DNTTIP1: variants seen among roughly 807,000 people sequenced by gnomAD.
DNTTIP1 encodes the protein deoxynucleotidyltransferase terminal interacting protein 1, also known as deoxynucleotidyltransferase terminal-interacting protein 1.
DNTTIP1 carries 22 observed loss-of-function variants against 52.9 expected under a neutral mutation model. The ratio of observed to expected loss-of-function variants is 0.42; its 90% CI spans 0.30 to 0.59. The LOEUF is 0.59. Ranked by LOEUF, DNTTIP1 falls within the 20% of genes least tolerant of loss-of-function variation. DNTTIP1 has a pLI of 0.22. For synonymous variants in DNTTIP1, 136 were observed against 155.1 expected (o/e 0.88, Z 0.92); for missense variants, 286 against 435.5 (o/e 0.66, Z 3.06).
chr20:45,803,969 T>A (rs750541519), intron 8 of DNTTIP1, among the ~76,000 whole-genome samples: 5 of 152,190 alleles, frequency 3.3e-5, no homozygotes, highest in Non-Finnish European at 7.4e-5. Flanking sequence ...GTGACTTATA[T>A]AAATGGTTGT....
intron 10 of DNTTIP1, among the ~76,000 whole-genome samples, chr20:45,808,893 G>A (rs1173861863): frequency 6.6e-6 from 1 of 152,204 alleles, no homozygotes; most frequent in Middle Eastern, 3.4e-3. Context: ...GAAGGGGGTG[G>A]GGATTGGGAG....
rs1405428306 is a variant in DNTTIP1 at position 45,800,690 on chromosome 20, AAAAAATATATATATAT to A, written c.373-382_373-367del. On this transcript the variant is annotated intron_variant, in intron 4 of 12. Transcript: ENST00000372622. ...ACTCCATCTCAATTTAAAAAAAAAA[AAAAAATATATATATAT>A]ATATATATATATATATATATATATA... Among the ~76,000 whole-genome samples, 16 of 52,350 alleles carry A rather than the reference AAAAAATATATATATAT, an allele frequency of 3.1e-4. 1 individual carries two copies. Among genetic ancestry groups the A allele is most frequent in the Non-Finnish European group, 3.7e-4 (11 of 30,082 alleles). 34.3% of individuals were successfully genotyped at this position (52,350 alleles called of 152,430 possible). A position where few individuals can be genotyped will look rare whatever the true frequency, so the allele number is the denominator to read the frequency against.
chr20:45,803,194 C>T (rs1568708617), intron 7 of DNTTIP1, 139 bp from the exon 8 acceptor site: 50 of 772,566 alleles, frequency 6.5e-5, no homozygotes. Flanking sequence ...TTTGTTCCTC[C>T]TCTTATGTGT....
At position 45,795,791 on chromosome 20, in the gene DNTTIP1, TC is replaced by T. The variant is rs111543251; in HGVS notation, c.372+349del. 3.1e-3 allele frequency among the ~76,000 whole-genome samples: 468 copies of T among 152,264 alleles called. 4 individuals are homozygous for T. Among genetic ancestry groups the T allele is most frequent in the African/African-American group, 0.011 (453 of 41,540 alleles). On this transcript the variant is annotated intron_variant, in intron 4 of 12. Transcript: ENST00000372622. ...TCCAGCCTGGGTGAAAGAGCAAGAT[TC>T]TGTCTCAAAAACAAACAAAAAAAGA...
chr20:45,801,198 C>G (rs1981458181), intron 5 of DNTTIP1, 56 bp downstream of exon 5: 10 of 1,555,902 alleles, frequency 6.4e-6, no homozygotes, highest in Non-Finnish European at 8.9e-6. Context: ...GGCTGGGAGG[C>G]AAGTGAAATA....
intron 4 of DNTTIP1, among the ~76,000 whole-genome samples, chr20:45,799,547 T>G (rs577965714): frequency 6.6e-6 from 1 of 152,208 alleles, no homozygotes; most frequent in Non-Finnish European, 1.5e-5. Flanking sequence ...TACAGCCTCC[T>G]TCACATCTCA....
intron 6 of DNTTIP1, 49 bp downstream of exon 6, chr20:45,801,507 G>T (rs1175491778): frequency 1.9e-6 from 3 of 1,602,616 alleles, no homozygotes; most frequent in Middle Eastern, 1.7e-4. Flanking sequence ...GGCTTGTCAG[G>T]CCGGGTGTGG....
At chr20:45,810,306 A>C (rs1981781249) in intron 11 of DNTTIP1, among the ~76,000 whole-genome samples, 1 of 152,212 alleles carries the variant, frequency 6.6e-6, no homozygotes, top group Non-Finnish European at 1.5e-5. Flanking sequence ...ATTGTGACAA[A>C]GCATTTCTAC....
At chr20:45,801,547 G>A (rs756382712) in intron 6 of DNTTIP1, 89 bp downstream of exon 6, 23 of 1,414,638 alleles carry the variant, frequency 1.6e-5, no homozygotes, top group Non-Finnish European at 2.3e-5. Context: ...CAACACTTTG[G>A]GAGGCCAAGC....
chr20:45,793,081 CTG>C (rs1981091410), intron 2 of DNTTIP1, among the ~76,000 whole-genome samples: 2 of 152,210 alleles, frequency 1.3e-5, no homozygotes, highest in South Asian at 2.1e-4. Context: ...AGTCAGACAA[CTG>C]TGTTCTCATC....
Position 45,811,384 on chromosome 20 carries a change from G to A in DNTTIP1, c.*189G>A. ...GGTTCTATATTTGTAAAGTTATTGG[G>A]ATAAGAAACAATTAAACAGTTTGTA... On this transcript the variant is annotated 3_prime_UTR_variant, in exon 13 of 13. Coordinates refer to ENST00000372622, the MANE Select transcript of DNTTIP1 (RefSeq NM_052951.3). 1.7e-6 allele frequency: 1 copy of A among 582,132 alleles called. No individual in the cohort carries two copies. Among genetic ancestry groups the A allele is most frequent in the Non-Finnish European group, 2.9e-6 (1 of 347,516 alleles). The allele number at this position is 582,132 out of a possible 1,614,324, so 36.1% of individuals were successfully genotyped here. A position where few individuals can be genotyped will look rare whatever the true frequency, so the allele number is the denominator to read the frequency against.
intron 4 of DNTTIP1, among the ~76,000 whole-genome samples, chr20:45,800,693 A>C (rs868058955): frequency 3.3e-5 from 1 of 30,530 alleles, no homozygotes; most frequent in East Asian, 5.0e-4. Flanking sequence ...AAAAAAAAAA[A>C]AATATATATA....
chr20:45,792,414 A>G, intron 1 of DNTTIP1: 1 of 468,488 alleles, frequency 2.1e-6, no homozygotes, highest in South Asian at 4.1e-5. Flanking sequence ...ACATCACCTG[A>G]CACAGAGTTG....
At chr20:45,808,773 A>G (rs751257893) in intron 10 of DNTTIP1, among the ~76,000 whole-genome samples, 5 of 152,196 alleles carry the variant, frequency 3.3e-5, no homozygotes, top group Non-Finnish European at 7.3e-5. Context: ...TATTATGGTC[A>G]CCATAATAAT....
rs1568707715 is a variant in DNTTIP1, at chr20:45,800,693, AAATATATATATATATATATAT to A, written c.373-379_373-359del. Among the ~76,000 whole-genome samples, 20 of 30,546 alleles carry A rather than the reference AAATATATATATATATATATAT, an allele frequency of 6.5e-4. 3 individuals are homozygous for A. Among genetic ancestry groups the A allele is most frequent in the Middle Eastern group, 0.017 (1 of 58 alleles). 20.0% of individuals were successfully genotyped at this position (30,546 alleles called of 152,430 possible). On this transcript the variant is annotated intron_variant, in intron 4 of 12. Coordinates refer to ENST00000372622, the MANE Select transcript of DNTTIP1 (RefSeq NM_052951.3). ...CCATCTCAATTTAAAAAAAAAAAAA[AAATATATATATATATATATAT>A]ATATATATATATATATATATATATA...
chr20:45,794,716 C>T (rs1457520455), intron 3 of DNTTIP1, among the ~76,000 whole-genome samples: 1 of 150,696 alleles, frequency 6.6e-6, no homozygotes, highest in Non-Finnish European at 1.5e-5. Flanking sequence ...CTTTGGGAGG[C>T]CGAGGCAGGA....
At chr20:45,795,159 G>A (rs2868349) in intron 3 of DNTTIP1, among the ~76,000 whole-genome samples, 186 bp from the exon 4 acceptor site, 96,564 of 152,064 alleles carry the variant, frequency 0.64, 30,971 homozygotes, top group Admixed American at 0.72. Context: ...ATCCGTAAGA[G>A]GGGGAATAAA....
At chr20:45,801,600 G>A in intron 6 of DNTTIP1, 142 bp downstream of exon 6, 3 of 804,252 alleles carry the variant, frequency 3.7e-6, no homozygotes, top group African/African-American at 1.7e-5. Flanking sequence ...ACCAGTCTGG[G>A]TAACATAGTG....
rs1280970097 is a variant in DNTTIP1, at chr20:45,803,325, C to T, written c.558-8C>T. On this transcript the variant is annotated splice_region_variant and splice_polypyrimidine_tract_variant and intron_variant, in intron 7 of 12. Transcript: ENST00000372622. ...GAGAATTCACCTTTATTCTTTCCTTCCAAGCAGATGGAAACCAAAATCCTG... is the reference window on the plus strand; with the variant it reads ...GAGAATTCACCTTTATTCTTTCCTTTCAAGCAGATGGAAACCAAAATCCTG... 4 of 1,614,164 alleles carry T rather than the reference C, an allele frequency of 2.5e-6. No homozygotes were observed. Among genetic ancestry groups the T allele is most frequent in the Non-Finnish European group, 3.4e-6 (4 of 1,179,996 alleles).
Sources: allele counts gnomAD v4.1 joint callset (sites outside exome capture counted in the v4.1 genomes callset), GRCh38; gene constraint gnomAD v4.1.1; transcripts MANE v1.5; gene names NCBI Gene and HGNC (gene_info 2026-07-23, HGNC 2026-07-21).